The following HDAC9 variants were observed in gnomAD, a reference collection of about 807,000 sequenced individuals.
HDAC9 encodes the protein histone deacetylase 9.
HDAC9 carries 41 observed loss-of-function variants against 139.4 expected under a neutral mutation model. The observed-to-expected ratio is 0.29, with a 90% CI of 0.23 to 0.38. The LOEUF (loss-of-function observed/expected upper bound fraction) is 0.38. Among genes scored for constraint, HDAC9 ranks in the 10% least tolerant of loss-of-function variants. HDAC9 has a pLI of 1.00. For synonymous variants in HDAC9, 517 were observed against 476.2 expected, an observed-to-expected ratio of 1.09 and a Z score of -1.12; for missense variants, 1,147 against 1,297.0, an observed-to-expected ratio of 0.88 and a Z score of 1.78.
At chr7:18,716,569 G>T (rs1195714947) in intron 12 of HDAC9, among the ~76,000 whole-genome samples, 1 of 152,062 alleles carries the variant, frequency 6.6e-6, no homozygotes, top group African/African-American at 2.4e-5. Flanking sequence ...TAAATGCATA[G>T]TGCAACCAAA....
chr7:18,446,860 A>G (rs1412429649), intron 1 of HDAC9, among the ~76,000 whole-genome samples: 4 of 152,204 alleles, frequency 2.6e-5, no homozygotes, highest in Non-Finnish European at 1.5e-5. Flanking sequence ...CATTATCCAC[A>G]ATGTAAGTGT....
chr7:18,938,183 A>T (rs1781774404), intron 23 of HDAC9, among the ~76,000 whole-genome samples: 1 of 139,312 alleles, frequency 7.2e-6, no homozygotes, highest in African/African-American at 2.7e-5. Flanking sequence ...ATGAGCCGAG[A>T]TCCCGCCACT....
At chr7:18,143,804 AAAG>A (rs1394440502) in intron 1 of HDAC9, among the ~76,000 whole-genome samples, 8 of 151,894 alleles carry the variant, frequency 5.3e-5, no homozygotes, top group African/African-American at 1.9e-4. Context: ...AAAAAAAAAA[AAAG>A]AGTGTCTCTT....
intron 1 of HDAC9, among the ~76,000 whole-genome samples, chr7:18,118,616 T>C (rs927952226): frequency 6.6e-6 from 1 of 152,202 alleles, no homozygotes; most frequent in Non-Finnish European, 1.5e-5. Context: ...CACCATGTGC[T>C]AGGAACAGCA....
At chr7:18,681,873 T>C (rs1781914947) in intron 12 of HDAC9, among the ~76,000 whole-genome samples, 1 of 152,018 alleles carries the variant, frequency 6.6e-6, no homozygotes, top group African/African-American at 2.4e-5. Flanking sequence ...ACTGAATAAA[T>C]GACAATCTGT....
intron 22 of HDAC9, among the ~76,000 whole-genome samples, chr7:18,876,111 C>G (rs972972416): frequency 7.2e-5 from 11 of 152,174 alleles, no homozygotes; most frequent in African/African-American, 2.7e-4. Context: ...AAGTCAAGTT[C>G]AAATCTCAAA....
intron 1 of HDAC9, among the ~76,000 whole-genome samples, chr7:18,340,641 AGT>A (rs1781933624): frequency 6.6e-6 from 1 of 151,622 alleles, no homozygotes; most frequent in Non-Finnish European, 1.5e-5. Flanking sequence ...TTTTACCAAA[AGT>A]GTGTTTCCAT....
intron 1 of HDAC9, among the ~76,000 whole-genome samples, chr7:18,392,465 T>G (rs1786622034): frequency 6.6e-6 from 1 of 152,044 alleles, no homozygotes; most frequent in African/African-American, 2.4e-5. Flanking sequence ...TGGGTGATGC[T>G]AATGATGTTA....
intron 2 of HDAC9, among the ~76,000 whole-genome samples, chr7:18,235,156 G>A (rs1793731393): frequency 6.6e-6 from 1 of 151,976 alleles, no homozygotes; most frequent in Non-Finnish European, 1.5e-5. Flanking sequence ...AGTACATATG[G>A]TAAAACACCA....
chr7:18,570,281 C>T (rs1002822267), intron 2 of HDAC9, among the ~76,000 whole-genome samples: 1 of 152,042 alleles, frequency 6.6e-6, no homozygotes, highest in Non-Finnish European at 1.5e-5. Flanking sequence ...TTCTTAAGTA[C>T]AGAATTGTTC....
chr7:18,316,976 C>G (rs1799695905), intron 1 of HDAC9, among the ~76,000 whole-genome samples: 3 of 151,798 alleles, frequency 2.0e-5, no homozygotes, highest in South Asian at 4.2e-4. Flanking sequence ...CGCCTGTAGT[C>G]CCAGCTAATA....
chr7:18,983,082 C>G (rs1785065886), intron 25 of HDAC9, among the ~76,000 whole-genome samples: 1 of 152,140 alleles, frequency 6.6e-6, no homozygotes, highest in African/African-American at 2.4e-5. Flanking sequence ...AACCTTGTAG[C>G]CATTGACCAG....
At chr7:18,420,918 C>T (rs1450878198) in intron 1 of HDAC9, among the ~76,000 whole-genome samples, 2 of 152,178 alleles carry the variant, frequency 1.3e-5, no homozygotes, top group Non-Finnish European at 1.5e-5. Context: ...AACAGGCTGC[C>T]ATGCAAAGAT....
At chr7:18,171,127 A>G (rs1414592374) in intron 2 of HDAC9, among the ~76,000 whole-genome samples, 2 of 152,178 alleles carry the variant, frequency 1.3e-5, no homozygotes, top group Non-Finnish European at 1.5e-5. Context: ...TTCATTGAGC[A>G]GTGGTTTGTA....
intron 22 of HDAC9, among the ~76,000 whole-genome samples, chr7:18,928,835 T>A: frequency 6.6e-6 from 1 of 152,134 alleles, no homozygotes; most frequent in East Asian, 1.9e-4. Context: ...ATTTTATTTA[T>A]TTATCAAATA....
At chr7:18,254,061 T>C (rs150365055) in intron 2 of HDAC9, among the ~76,000 whole-genome samples, 98 of 152,336 alleles carry the variant, frequency 6.4e-4, no homozygotes, top group African/African-American at 2.3e-3. Context: ...TAAAATTTTC[T>C]GGACTTTCAA....
intron 2 of HDAC9, among the ~76,000 whole-genome samples, chr7:18,242,550 C>A (rs1043606423): frequency 3.3e-5 from 5 of 152,106 alleles, no homozygotes; most frequent in African/African-American, 1.2e-4. Context: ...GAAAGTGAAG[C>A]ATATATTTAT....
chr7:18,289,786 C>T (rs1797692613), upstream of HDAC9, among the ~76,000 whole-genome samples: 2 of 152,118 alleles, frequency 1.3e-5, no homozygotes, highest in South Asian at 4.1e-4. Context: ...CGGTCTCAGC[C>T]TCTTCTTTTT....
At chr7:18,094,405 A>G (rs990436008) in intron 1 of HDAC9, among the ~76,000 whole-genome samples, 7 of 151,708 alleles carry the variant, frequency 4.6e-5, no homozygotes, top group African/African-American at 1.7e-4. Context: ...AAGTTCTTTC[A>G]CAGCCTGGAC....
Sources: gnomAD v4.1 joint callset for allele counts (sites outside exome capture counted in the v4.1 genomes callset) on GRCh38, gnomAD v4.1.1 for gene constraint, MANE v1.5 for transcripts, NCBI Gene and HGNC (gene_info 2026-07-23, HGNC 2026-07-21) for gene names.